The following ARMC2 variants were observed in gnomAD, a reference collection of about 807,000 sequenced individuals.
ARMC2 encodes the protein armadillo repeat containing 2.
A neutral mutation model predicts 90.3 loss-of-function variants in ARMC2; 67 were observed. The ratio of observed to expected loss-of-function variants is 0.74; its 90% confidence interval spans 0.61 to 0.91. ARMC2 has a LOEUF of 0.91. Ranked by LOEUF, ARMC2 falls within the 40% of genes least tolerant of loss-of-function variation. The probability of loss-of-function intolerance (pLI) is 0.00; values close to 1 mark genes in which losing one functional copy is unlikely to be tolerated. For missense variants in ARMC2, 920 were observed against 1,030.9 expected (o/e 0.89, Z 1.47); for synonymous variants, 393 against 393.0 (o/e 1.00, Z 0.00).
intron 4 of ARMC2, among the ~76,000 whole-genome samples, chr6:108,872,657 G>C (rs1039203942): frequency 9.9e-5 from 15 of 152,082 alleles, no homozygotes; most frequent in African/African-American, 2.7e-4. Context: ...TTATCCCAGG[G>C]GACCATGAAA....
the ARMC2 span, among the ~76,000 whole-genome samples, chr6:109,028,926 G>A: frequency 1.3e-5 from 2 of 152,214 alleles, no homozygotes; most frequent in Admixed American, 1.3e-4. Flanking sequence ...ACATGAGAGC[G>A]GGTATCTCTG....
the ARMC2 span, chr6:108,990,764 A>G: frequency 6.2e-7 from 1 of 1,614,162 alleles, no homozygotes; most frequent in South Asian, 1.1e-5. Flanking sequence ...GAAATTTTTC[A>G]TCAATCAACT....
rs184048066 is a variant in ARMC2, at chr6:108,968,198, T to C, written c.2446+3058T>C. 1.1e-4 allele frequency among the ~76,000 whole-genome samples: 16 copies of C among 152,254 alleles called. No individual in the cohort carries two copies. The East Asian group carries it at 3.1e-3, about 29-fold the overall frequency. ...AGTGCTATATCCTTTTAAAAGCATG[T>C]TTATTCTATTTTTGAAAGATCTGAG... On this transcript the variant is annotated intron_variant, in intron 17 of 17. Transcript: ENST00000392644.
At chr6:109,026,964 G>A in the ARMC2 span, among the ~76,000 whole-genome samples, 1 of 151,996 alleles carries the variant, frequency 6.6e-6, no homozygotes, top group East Asian at 1.9e-4. Flanking sequence ...GAGGCCTGGA[G>A]GTCAAGACCA....
chr6:108,856,690 A>G (rs534252953), intron 2 of ARMC2: 1 of 155,308 alleles, frequency 6.4e-6, no homozygotes, highest in Non-Finnish European at 1.4e-5. Context: ...CTTTTAAAGC[A>G]GTATTAACAT....
At chr6:108,854,531 A>G in intron 2 of ARMC2, 46 bp downstream of exon 2, 4 of 1,534,518 alleles carry the variant, frequency 2.6e-6, no homozygotes, top group Non-Finnish European at 3.6e-6. Flanking sequence ...TTTAAGCACC[A>G]GGTTATACCT....
intron 5 of ARMC2, among the ~76,000 whole-genome samples, chr6:108,878,356 G>T (rs1777140402): frequency 6.6e-6 from 1 of 152,194 alleles, no homozygotes; most frequent in Admixed American, 6.5e-5. Context: ...GGAGGGTTGA[G>T]AAGGAGTGTG....
intron 10 of ARMC2, among the ~76,000 whole-genome samples, chr6:108,918,601 C>G (rs983680979): frequency 6.6e-6 from 1 of 152,044 alleles, no homozygotes. Flanking sequence ...CAACCCTGGA[C>G]AATGCTGGGG....
intron 17 of ARMC2, among the ~76,000 whole-genome samples, chr6:108,969,060 A>C (rs1174665601): frequency 1.3e-5 from 2 of 152,106 alleles, no homozygotes; most frequent in Non-Finnish European, 2.9e-5. Context: ...CCTGATGACC[A>C]TGTGTGTAGT....
chr6:109,043,708 A>G, the ARMC2 span, among the ~76,000 whole-genome samples: 2 of 152,198 alleles, frequency 1.3e-5, no homozygotes, highest in Admixed American at 6.5e-5. Context: ...AAAAATCCAA[A>G]TAAGTGGAGA....
Position 108,961,817 on chromosome 6 carries a change from T to G in ARMC2, c.2038+123T>G. 2.4e-6 allele frequency: 3 copies of G among 1,242,206 alleles called. No homozygotes were observed. In the South Asian group the frequency reaches 4.5e-5, roughly 19 times the overall value. 76.9% of individuals were successfully genotyped at this position (1,242,206 alleles called of 1,614,324 possible). On this transcript the variant is annotated intron_variant, in intron 14 of 17. Coordinates refer to ENST00000392644, the MANE Select transcript of ARMC2 (RefSeq NM_032131.6). ...TCTGGTACAGAAATGTCTTAGAGCC[T>G]GATGATTCTAAGAAATTAGAATATG...
intron 2 of ARMC2, among the ~76,000 whole-genome samples, chr6:108,857,512 T>G (rs944713554): frequency 6.6e-5 from 10 of 152,212 alleles, no homozygotes; most frequent in African/African-American, 2.4e-4. Context: ...TTTTCTTGTC[T>G]TATTGCATTA....
chr6:108,920,825 A>C (rs538435899), intron 10 of ARMC2, among the ~76,000 whole-genome samples: 56 of 152,220 alleles, frequency 3.7e-4, no homozygotes, highest in Non-Finnish European at 6.5e-4. Flanking sequence ...CTCACTTCTA[A>C]AAGAGGAAGG....
the ARMC2 span, among the ~76,000 whole-genome samples, chr6:109,011,814 A>G: frequency 6.6e-6 from 1 of 151,632 alleles, no homozygotes; most frequent in Admixed American, 6.6e-5. Context: ...TTTTTTGTAG[A>G]GATAGGGTCT....
At chr6:108,995,293 T>C in the ARMC2 span, among the ~76,000 whole-genome samples, 1 of 152,250 alleles carries the variant, frequency 6.6e-6, no homozygotes, top group African/African-American at 2.4e-5. Context: ...GTATAAGTGA[T>C]TTTGCATCAA....
At chr6:108,941,544 G>T (rs964087670) in intron 12 of ARMC2, among the ~76,000 whole-genome samples, 1 of 152,166 alleles carries the variant, frequency 6.6e-6, no homozygotes, top group African/African-American at 2.4e-5. Flanking sequence ...TGAACTTGCT[G>T]TTTACTATTT....
chr6:109,000,404 G>A, the ARMC2 span: 1 of 1,032,946 alleles, frequency 9.7e-7, no homozygotes, highest in African/African-American at 1.6e-5. Context: ...GGAACTCTCT[G>A]TACTTTCTGT....
intron 11 of ARMC2, among the ~76,000 whole-genome samples, chr6:108,928,696 G>A (rs1775292926): frequency 6.6e-6 from 1 of 152,092 alleles, no homozygotes; most frequent in South Asian, 2.1e-4. Flanking sequence ...CACTAGTCAA[G>A]TCTACACTTA....
Position 108,876,246 on chromosome 6 carries a change from G to C in ARMC2, c.567G>C (p.Lys189Asn). 6.2e-7 allele frequency: 1 copy of C among 1,613,242 alleles called. No individual in the cohort carries two copies. Among genetic ancestry groups the C allele is most frequent in the Non-Finnish European group, 8.5e-7 (1 of 1,179,644 alleles). ...LTKSNAICHL[K>N]SHPLQLTDDG... The stretch of plus-strand genomic sequence containing the variant: ...AATCAAATGCTATTTGCCACTTAAA[G>C]AGTCACCCACTTCAGCTAACTGATG... The change falls in exon 5 of 18, where the codon AAG becomes AAC. Residue 189 changes from lysine to asparagine, a missense_variant. By Grantham distance (94) the Lys-to-Asn change is moderately conservative. Coordinates refer to ENST00000392644, the MANE Select transcript of ARMC2 (RefSeq NM_032131.6).
Sources: gnomAD v4.1 joint callset for allele counts (sites outside exome capture counted in the v4.1 genomes callset) on GRCh38, gnomAD v4.1.1 for gene constraint, MANE v1.5 for transcripts, NCBI Gene and HGNC (gene_info 2026-07-23, HGNC 2026-07-21) for gene names.